Variants in UNC45B observed in about 807,000 individuals in gnomAD.
The protein encoded by UNC45B is protein unc-45 homolog B.
A neutral mutation model predicts 98.7 loss-of-function variants in UNC45B; 78 were observed. The observed-to-expected ratio is 0.79, with a 90% CI of 0.66 to 0.95. UNC45B has a LOEUF of 0.95. UNC45B is among the 40% of genes least tolerant of loss of function. The pLI, the probability that UNC45B is intolerant of heterozygous loss-of-function variation, is 0.00. For synonymous variants in UNC45B, 462 were observed against 480.4 expected (o/e 0.96, Z 0.50); for missense variants, 1,225 against 1,184.9 (o/e 1.03, Z -0.50).
At position 35,180,568 on chromosome 17, in the gene UNC45B, CTT is replaced by C; in HGVS notation, c.2267_2268del (p.Phe756Ter). 1.9e-6 allele frequency: 3 copies of C among 1,613,880 alleles called. No individual in the cohort carries two copies. Among genetic ancestry groups the C allele is most frequent in the Non-Finnish European group, 2.5e-6 (3 of 1,179,874 alleles). The stretch of plus-strand genomic sequence containing the variant: ...CACCCTCCTACCCTAGGCAGAAGAT[CTT>C]TAAGGAGAGGGCCTTGCCAGACATC... ...GRSDKLRQKI[F>X]KERALPDIEN... On this transcript the variant is annotated frameshift_variant, in exon 18 of 20. Transcript: ENST00000394570. LOFTEE classifies it high-confidence loss of function.
chr17:35,159,599 G>A (rs1308104107), intron 8 of UNC45B, 54 bp downstream of exon 8: 33 of 1,572,798 alleles, frequency 2.1e-5, no homozygotes, highest in Non-Finnish European at 2.9e-5. Flanking sequence ...TGGGCACCAG[G>A]GCACTGAACA....
chr17:35,176,624 G>A (rs1264109578), intron 15 of UNC45B, among the ~76,000 whole-genome samples: 1 of 152,176 alleles, frequency 6.6e-6, no homozygotes, highest in African/African-American at 2.4e-5. Context: ...AGGTTGCAAT[G>A]AGCCGAGATC....
rs1241910158 is a variant in UNC45B at position 35,168,203 on chromosome 17, T to C, written c.1294T>C (p.Ser432Pro). The C allele has an allele frequency of 4.4e-6, 7 of 1,602,716 alleles. No homozygotes were observed. Among genetic ancestry groups the C allele is most frequent in the Non-Finnish European group, 6.0e-6 (7 of 1,174,170 alleles). ...VMEMMVALCG[S>P]ERETDQLVAV... ...GGAGATGATGGTGGCACTATGTGGC[T>C]CAGAGCGCGAGACGGACCAGCTGGT... Residue 432 changes from serine to proline, a missense_variant, in exon 10 of 20, where the codon TCA becomes CCA. By Grantham distance (74) the Ser-to-Pro change is moderately conservative. Coordinates refer to ENST00000394570, the MANE Select transcript of UNC45B (RefSeq NM_001267052.2).
chr17:35,158,369 C>T (rs1256425761), intron 7 of UNC45B, among the ~76,000 whole-genome samples: 1 of 152,152 alleles, frequency 6.6e-6, no homozygotes, highest in African/African-American at 2.4e-5. Flanking sequence ...GCTTGGGTTT[C>T]TATAGAACAT....
intron 17 of UNC45B, among the ~76,000 whole-genome samples, chr17:35,178,952 T>C (rs2092254932): frequency 1.3e-5 from 2 of 152,212 alleles, no homozygotes; most frequent in East Asian, 1.9e-4. Context: ...CCTTGTAGTA[T>C]AGTTTGAAGT....
At chr17:35,185,766 A>T (rs1390064780) in intron 19 of UNC45B, among the ~76,000 whole-genome samples, 1 of 152,178 alleles carries the variant, frequency 6.6e-6, no homozygotes, top group Non-Finnish European at 1.5e-5. Context: ...TGAGGCTTAC[A>T]GAGGTTAAAT....
chr17:35,175,091 A>AAGAAAGAAAG (rs1567766068), intron 14 of UNC45B, among the ~76,000 whole-genome samples: 12 of 132,780 alleles, frequency 9.0e-5, no homozygotes, highest in African/African-American at 3.0e-4. Flanking sequence ...AAGAAAGAGA[A>AAGAAAGAAAG]AGAAAGAAAA....
chr17:35,171,283 C>T (rs777802765), intron 12 of UNC45B, 39 bp from the exon 13 acceptor site: 2 of 1,604,030 alleles, frequency 1.2e-6, no homozygotes, highest in Non-Finnish European at 8.5e-7. Flanking sequence ...CCTAAAGTTT[C>T]CTTTCTGCTT....
chr17:35,154,455 T>A, intron 5 of UNC45B, 119 bp from the exon 6 acceptor site: 6 of 936,768 alleles, frequency 6.4e-6, no homozygotes, highest in Non-Finnish European at 9.4e-6. Context: ...CAAGGTGAGA[T>A]AATAGAACAA....
chr17:35,174,226 C>T lies in UNC45B; in HGVS notation c.1831-16C>T. ...ACCCAGGACCCTCCCACATTGCCAT[C>T]TTTTCATCTCCTCAGGACAAGAAGG... On this transcript the variant is annotated splice_polypyrimidine_tract_variant and intron_variant, in intron 13 of 19. Transcript: ENST00000394570. The T allele has an allele frequency of 6.2e-7, 1 of 1,614,086 alleles. No individual in the cohort carries two copies. Among genetic ancestry groups the T allele is most frequent in the South Asian group, 1.1e-5 (1 of 91,082 alleles).
At chr17:35,155,227 T>C in intron 6 of UNC45B, 69 bp from the exon 7 acceptor site, 1 of 1,575,410 alleles carries the variant, frequency 6.3e-7, no homozygotes, top group Non-Finnish European at 8.6e-7. Flanking sequence ...TATCACACCC[T>C]CTCTAACCTG....
intron 9 of UNC45B, among the ~76,000 whole-genome samples, chr17:35,165,935 T>C (rs1304605450): frequency 1.3e-5 from 2 of 150,442 alleles, no homozygotes; most frequent in Admixed American, 6.6e-5. Flanking sequence ...CAAGTCTCCA[T>C]CTCAAAAAGA....
chr17:35,181,099 G>A (rs1304360072), intron 18 of UNC45B, among the ~76,000 whole-genome samples: 1 of 152,198 alleles, frequency 6.6e-6, no homozygotes, highest in South Asian at 2.1e-4. Context: ...AGCCATTTTA[G>A]GATGTCTCAA....
At chr17:35,167,147 C>A (rs1158771803) in intron 9 of UNC45B, 1 of 152,404 alleles carries the variant, frequency 6.6e-6, no homozygotes, top group East Asian at 1.9e-4. Context: ...CACAGAGAGA[C>A]ACAGTGTGCC....
At chr17:35,166,878 C>T (rs16970673) in intron 9 of UNC45B, 12,607 of 152,290 alleles carry the variant, frequency 0.083, 697 homozygotes, top group East Asian at 0.18. Flanking sequence ...TCCACGCTGC[C>T]TTCTTGCATT....
At chr17:35,176,782 G>A (rs1025175498) in intron 15 of UNC45B, among the ~76,000 whole-genome samples, 60 of 152,346 alleles carry the variant, frequency 3.9e-4, no homozygotes, top group East Asian at 5.8e-4. Context: ...AAAGCTGAAG[G>A]AATATTTAGG....
At position 35,186,443 on chromosome 17, in the gene UNC45B, A is replaced by G. The variant is rs775576067; in HGVS notation, c.2674A>G (p.Ile892Val). Residue 892 changes from isoleucine (I) to valine (V), a missense_variant, in exon 20 of 20, where the codon ATC becomes GTC. Coordinates refer to ENST00000394570, the MANE Select transcript of UNC45B (RefSeq NM_001267052.2). ...GCTGGTGGAGAGTGAGCTGCTGGAG[A>G]TCCTGACTGTGGTGGGCAAACAGGA... ...KKLVESELLE[I>V]LTVVGKQEPD... The G allele has an allele frequency of 5.0e-6, 8 of 1,614,058 alleles. No homozygotes were observed. Among genetic ancestry groups the G allele is most frequent in the Non-Finnish European group, 6.8e-6 (8 of 1,180,040 alleles).
intron 2 of UNC45B, 106 bp from the exon 3 acceptor site, chr17:35,148,867 G>A: frequency 7.1e-7 from 1 of 1,406,738 alleles, no homozygotes; most frequent in Non-Finnish European, 9.9e-7. Context: ...CTGACAGCCT[G>A]CAGCTCCCCC....
chr17:35,152,700 T>G (rs2092028964), intron 4 of UNC45B, among the ~76,000 whole-genome samples, 193 bp from the exon 5 acceptor site: 1 of 152,208 alleles, frequency 6.6e-6, no homozygotes, highest in East Asian at 1.9e-4. Flanking sequence ...AGGACTTGAT[T>G]TTGTTCACAA....
Sources: gnomAD v4.1 joint callset for allele counts (sites outside exome capture counted in the v4.1 genomes callset) on GRCh38, gnomAD v4.1.1 for gene constraint, MANE v1.5 for transcripts, NCBI Gene and HGNC (gene_info 2026-07-23, HGNC 2026-07-21) for gene names.